NDUFA6: variants seen among roughly 807,000 people sequenced by gnomAD.
The protein encoded by NDUFA6 is NADH:ubiquinone oxidoreductase subunit A6.
NDUFA6 carries 10 observed loss-of-function variants against 12.5 expected under a neutral mutation model. That is an observed-to-expected ratio of 0.80 (90% CI 0.49 to 1.35). The LOEUF is 1.35. NDUFA6 is among the 40% of genes most tolerant of loss of function. NDUFA6 has a pLI of 0.00. For missense variants in NDUFA6, 177 were observed against 173.5 expected (o/e 1.02, Z -0.11); for synonymous variants, 66 against 63.0 (o/e 1.05, Z -0.23).
At chr22:42,087,453 T>C (rs1039792195) in intron 1 of NDUFA6, 21 of 465,020 alleles carry the variant, frequency 4.5e-5, no homozygotes, top group Admixed American at 1.7e-4. Flanking sequence ...CAGCTTTTGT[T>C]AGCTATATGA....
chr22:42,088,501 C>T (rs1488482014), intron 1 of NDUFA6, among the ~76,000 whole-genome samples: 1 of 151,724 alleles, frequency 6.6e-6, no homozygotes, highest in Non-Finnish European at 1.5e-5. Context: ...AGGTGGATCA[C>T]CTGAGGTCAG....
rs200188427 is a variant in NDUFA6 at position 42,090,732 on chromosome 22, C to G, written c.13G>C (p.Gly5Arg). 3 of 1,614,132 alleles carry G rather than the reference C, an allele frequency of 1.9e-6. No individual in the cohort carries two copies. Among genetic ancestry groups the G allele is most frequent in the Non-Finnish European group, 2.5e-6 (3 of 1,180,036 alleles). MAGS[G>R]VRQATSTAST... ...GCGGTAGAAGTAGCTTGGCGGACGC[C>G]GCTCCCCGCCATCTTGCCAAAGCAT... is the stretch of plus-strand genomic sequence containing the variant. Residue 5 changes from glycine (G) to arginine (R), a missense_variant, in exon 1 of 3, where the codon GGC (glycine) becomes CGC (arginine). Physicochemically the swap from Gly to Arg is moderately radical, Grantham distance 125. Transcript: ENST00000498737.
rs753916921 is a variant in NDUFA6, at chr22:42,090,755, C to A, written c.-11G>T. The A allele has an allele frequency of 7.4e-6, 12 of 1,614,244 alleles. No homozygotes were observed. Among genetic ancestry groups the A allele is most frequent in the South Asian group, 1.1e-5 (1 of 91,092 alleles). On this transcript the variant is annotated 5_prime_UTR_variant, in exon 1 of 3. It removes an upstream start codon present in the reference 5' UTR. Coordinates refer to ENST00000498737, the MANE Select transcript of NDUFA6 (RefSeq NM_002490.6). ...GCCGCTCCCCGCCATCTTGCCAAAG[C>A]ATCCACTCCACAACCCCACCCCTTT...
chr22:42,090,368 G>A (rs1928560352), intron 1 of NDUFA6, among the ~76,000 whole-genome samples: 2 of 152,348 alleles, frequency 1.3e-5, no homozygotes, highest in East Asian at 3.9e-4. Context: ...AATTGCGAAG[G>A]ACAAAAGAGA....
chr22:42,087,352 G>C lies in NDUFA6; in HGVS notation c.140-177C>G, dbSNP rs76332448. The stretch of plus-strand genomic sequence containing the variant: ...GTGATTCATGGTATTTGCTCTCAAG[G>C]AACTTATTATTTGTTTGGGGAAAAA... On this transcript the variant is annotated intron_variant, in intron 1 of 2. Transcript: ENST00000498737. The C allele has an allele frequency of 9.6e-6, 6 of 623,728 alleles. No individual in the cohort carries two copies. The East Asian group carries it at 1.7e-4, about 17-fold the overall frequency. The allele number at this position is 623,728 out of a possible 1,614,324, so 38.6% of individuals were successfully genotyped here.
At position 42,090,693 on chromosome 22, in the gene NDUFA6, T is replaced by C; in HGVS notation, c.52A>G (p.Lys18Glu). The change falls in exon 1 of 3, where the codon AAG (lysine) becomes GAG (glutamate). Residue 18 changes from lysine (K) to glutamate (E), a missense_variant. Coordinates refer to ENST00000498737, the MANE Select transcript of NDUFA6 (RefSeq NM_002490.6). Reference protein sequence around the residue: ...QATSTASTFVKPIFSRDMNEA... With the variant: ...QATSTASTFVEPIFSRDMNEA... ...TTCATGTCCCGACTGAAAATGGGCT[T>C]CACGAAGGTGCTGGCGGTAGAAGTA... is the stretch of plus-strand genomic sequence containing the variant. 6.2e-7 allele frequency: 1 copy of C among 1,614,218 alleles called. No homozygotes were observed. The highest frequency in any genetic ancestry group is 1.3e-5 in the African/African-American group (1 of 75,078).
intron 1 of NDUFA6, among the ~76,000 whole-genome samples, chr22:42,089,095 G>C (rs1438904860): frequency 6.6e-6 from 1 of 151,960 alleles, no homozygotes; most frequent in Non-Finnish European, 1.5e-5. Context: ...TTGAGGGAAG[G>C]TCTTGGGAGG....
In NDUFA6 at chr22:42,086,292, G is replaced by GT. The variant is rs774198327; in HGVS notation, c.277dup (p.Thr93AsnfsTer3). 3.1e-6 allele frequency: 5 copies of GT among 1,614,174 alleles called. No homozygotes were observed. In the South Asian group the frequency reaches 5.5e-5, roughly 18 times the overall value. On this transcript the variant is annotated frameshift_variant, in exon 3 of 3. Transcript: ENST00000498737. LOFTEE classifies it high-confidence loss of function. ...TGTCCGCTGCTTCCATACTTTAATT[G>GT]TTTCTTCCAGTTCGATCTTTCCCTG...
intron 1 of NDUFA6, among the ~76,000 whole-genome samples, chr22:42,088,801 A>G (rs1928440513): frequency 7.6e-6 from 1 of 132,310 alleles, no homozygotes; most frequent in Non-Finnish European, 1.7e-5. Flanking sequence ...TTTGTTTTTT[A>G]TTAATGCTCA....
chr22:42,087,758 C>CA (rs1316120483), intron 1 of NDUFA6, among the ~76,000 whole-genome samples: 1 of 145,728 alleles, frequency 6.9e-6, no homozygotes, highest in Non-Finnish European at 1.5e-5. Context: ...GCCGAGGTCG[C>CA]ACCACTGCAC....
At chr22:42,086,358 G>A (rs1198782847) in intron 2 of NDUFA6, 44 bp from the exon 3 acceptor site, 1 of 1,612,768 alleles carries the variant, frequency 6.2e-7, no homozygotes, top group South Asian at 1.1e-5. Flanking sequence ...TTGTCAAGTT[G>A]AAGGCATATG....
intron 2 of NDUFA6, 117 bp downstream of exon 2, chr22:42,086,943 T>A: frequency 1.3e-6 from 1 of 784,602 alleles, no homozygotes. Context: ...ACAGCAATAA[T>A]CACTGCCGAA....
chr22:42,086,809 T>G (rs1045170636), intron 2 of NDUFA6, among the ~76,000 whole-genome samples: 1 of 152,210 alleles, frequency 6.6e-6, no homozygotes, highest in Non-Finnish European at 1.5e-5. Context: ...CAAGAAGAGT[T>G]CAAACTTTCC....
At chr22:42,089,176 T>C (rs777262240) in intron 1 of NDUFA6, among the ~76,000 whole-genome samples, 1 of 151,834 alleles carries the variant, frequency 6.6e-6, no homozygotes, top group Non-Finnish European at 1.5e-5. Context: ...GGCCACTGAT[T>C]TACCCTTCAC....
At position 42,086,931 on chromosome 22, in the gene NDUFA6, AC is replaced by A. The variant is rs1309633040; in HGVS notation, c.255+128del. 3 of 744,734 alleles carry A rather than the reference AC, an allele frequency of 4.0e-6. No individual in the cohort carries two copies. The African/African-American group carries it at 5.2e-5, about 13-fold the overall frequency. The allele number at this position is 744,734 out of a possible 1,614,324, so 46.1% of individuals were successfully genotyped here. The stretch of plus-strand genomic sequence containing the variant: ...CTCCAAGTTCAAGTATTTCTCTGAA[AC>A]ACAGCAATAATCACTGCCGAACCAG... On this transcript the variant is annotated intron_variant, in intron 2 of 2. Coordinates refer to ENST00000498737, the MANE Select transcript of NDUFA6 (RefSeq NM_002490.6).
intron 1 of NDUFA6, among the ~76,000 whole-genome samples, chr22:42,088,721 CAAAAAA>C (rs59094967): frequency 2.8e-5 from 2 of 71,932 alleles, no homozygotes; most frequent in Admixed American, 1.5e-4. Context: ...GACTCTGTCT[CAAAAAA>C]AAAAAAAAAA....
chr22:42,090,731 C>A lies in NDUFA6; in HGVS notation c.14G>T (p.Gly5Val), dbSNP rs376871432. 7.4e-6 allele frequency: 12 copies of A among 1,614,030 alleles called. No individual in the cohort carries two copies. Among genetic ancestry groups the A allele is most frequent in the Non-Finnish European group, 8.5e-6 (10 of 1,180,048 alleles). ...GGCGGTAGAAGTAGCTTGGCGGACGCCGCTCCCCGCCATCTTGCCAAAGCA... is the reference window on the plus strand; with the variant it reads ...GGCGGTAGAAGTAGCTTGGCGGACGACGCTCCCCGCCATCTTGCCAAAGCA... MAGS[G>V]VRQATSTAST... The change falls in exon 1 of 3, where the codon GGC (glycine) becomes GTC (valine). Residue 5 changes from glycine (G) to valine (V), a missense_variant. Gly to Val is a moderately radical substitution (Grantham distance 109). Coordinates refer to ENST00000498737, the MANE Select transcript of NDUFA6 (RefSeq NM_002490.6).
At chr22:42,089,374 C>T (rs1177286106) in intron 1 of NDUFA6, among the ~76,000 whole-genome samples, 9 of 145,844 alleles carry the variant, frequency 6.2e-5, no homozygotes, top group Non-Finnish European at 1.3e-4. Context: ...TCACTCCCCA[C>T]ACACATCTTT....
In NDUFA6 at chr22:42,086,324, G is replaced by A. The variant is rs1447323369; in HGVS notation, c.256-10C>T. The A allele has an allele frequency of 3.7e-6, 6 of 1,614,192 alleles. No homozygotes were observed. The highest frequency in any genetic ancestry group is 5.1e-6 in the Non-Finnish European group (6 of 1,180,038). ...CCAGTTCGATCTTTCCCTGAACAGT[G>A]AGGAGAGAGGTCATCAGTCAAAGTT... On this transcript the variant is annotated splice_polypyrimidine_tract_variant and intron_variant, in intron 2 of 2. Transcript: ENST00000498737.
Sources: allele counts gnomAD v4.1 joint callset (sites outside exome capture counted in the v4.1 genomes callset), GRCh38; gene constraint gnomAD v4.1.1; transcripts MANE v1.5; gene names NCBI Gene and HGNC (gene_info 2026-07-23, HGNC 2026-07-21).